ADRA1B: variants seen among roughly 807,000 people sequenced by gnomAD.
The protein encoded by ADRA1B is adrenoceptor alpha 1B.
A neutral mutation model predicts 17.9 loss-of-function variants in ADRA1B; 17 were observed. That is an observed-to-expected ratio of 0.95 (90% CI 0.65 to 1.42). The LOEUF is 1.42. ADRA1B is among the 40% of genes most tolerant of loss of function. The pLI, the probability that ADRA1B is intolerant of heterozygous loss-of-function variation, is 0.00. For missense variants in ADRA1B, 681 were observed against 722.1 expected (o/e 0.94, Z 0.65); for synonymous variants, 366 against 327.6 (o/e 1.12, Z -1.27).
At chr5:159,898,540 A>C (rs1754061635) in intron 1 of ADRA1B, among the ~76,000 whole-genome samples, 1 of 152,266 alleles carries the variant, frequency 6.6e-6, no homozygotes, top group Non-Finnish European at 1.5e-5. Flanking sequence ...TAGCAAAACA[A>C]ACACATGTTT....
intron 1 of ADRA1B, among the ~76,000 whole-genome samples, chr5:159,886,373 G>A (rs1203327393): frequency 6.6e-6 from 1 of 152,114 alleles, no homozygotes; most frequent in Non-Finnish European, 1.5e-5. Context: ...TGAATCTCCT[G>A]GAAAATCCCC....
At chr5:159,880,601 C>G (rs551599506) in intron 1 of ADRA1B, among the ~76,000 whole-genome samples, 1 of 152,310 alleles carries the variant, frequency 6.6e-6, no homozygotes, top group Admixed American at 6.5e-5. Context: ...GTAGGAGAAA[C>G]TCAACTCTCA....
At chr5:159,952,571 T>C (rs1374231316) in intron 1 of ADRA1B, among the ~76,000 whole-genome samples, 1 of 152,118 alleles carries the variant, frequency 6.6e-6, no homozygotes, top group South Asian at 2.1e-4. Flanking sequence ...CTGAGATAGC[T>C]CCATGACTGA....
At chr5:159,918,106 G>A (rs1754381251) in intron 1 of ADRA1B, among the ~76,000 whole-genome samples, 1 of 152,184 alleles carries the variant, frequency 6.6e-6, no homozygotes, top group Non-Finnish European at 1.5e-5. Flanking sequence ...TCTGGTATGA[G>A]GAATGACTCA....
At chr5:159,900,133 A>C (rs960926800) in intron 1 of ADRA1B, among the ~76,000 whole-genome samples, 1 of 152,218 alleles carries the variant, frequency 6.6e-6, no homozygotes, top group South Asian at 2.1e-4. Flanking sequence ...TTTCAACTAC[A>C]GTTACATTAT....
chr5:159,899,893 C>T (rs2113118198), intron 1 of ADRA1B, among the ~76,000 whole-genome samples: 1 of 152,320 alleles, frequency 6.6e-6, no homozygotes, highest in Middle Eastern at 3.4e-3. Context: ...ACAAGATTCC[C>T]AGAATCTCTG....
Position 159,972,000 on chromosome 5 carries a change from C to T in ADRA1B, c.1071C>T (p.Arg357=), listed in dbSNP as rs781479331. Residue 357 remains arginine, a synonymous_variant, in exon 2 of 2, where the codon CGC becomes CGT. Coordinates refer to ENST00000306675, the MANE Select transcript of ADRA1B (RefSeq NM_000679.4). ...CATGCTCCAGCAAGGAGTTCAAGCG[C>T]GCTTTCGTGCGCATCCTCGGGTGCC... ...IYPCSSKEFK[R]AFVRILGCQC... 12 of 1,472,148 alleles carry T rather than the reference C, an allele frequency of 8.2e-6. No homozygotes were observed. Among genetic ancestry groups the T allele is most frequent in the Non-Finnish European group, 1.1e-5 (12 of 1,104,622 alleles). 91.2% of individuals were successfully genotyped at this position (1,472,148 alleles called of 1,614,324 possible).
At chr5:159,926,298 C>A (rs1754646583) in intron 1 of ADRA1B, among the ~76,000 whole-genome samples, 1 of 152,110 alleles carries the variant, frequency 6.6e-6, no homozygotes, top group South Asian at 2.1e-4. Context: ...TGGATCCCAC[C>A]CTTTTCCCCA....
chr5:159,950,348 C>G, intron 1 of ADRA1B: 2 of 565,654 alleles, frequency 3.5e-6, no homozygotes, highest in East Asian at 5.8e-5. Flanking sequence ...TCCCTAGGCC[C>G]CTCCCTCTTC....
At chr5:159,877,495 T>C (rs34507337) in intron 1 of ADRA1B, among the ~76,000 whole-genome samples, 6,058 of 152,282 alleles carry the variant, frequency 0.04, 140 homozygotes, top group Middle Eastern at 0.075. Context: ...CATGTTGGCG[T>C]CATGCTCTCC....
Position 159,972,072 on chromosome 5 carries a change from G to C in ADRA1B, c.1143G>C (p.Leu381=). The C allele has an allele frequency of 1.5e-6, 2 of 1,298,010 alleles. No individual in the cohort carries two copies. Among genetic ancestry groups the C allele is most frequent in the East Asian group, 6.5e-5 (2 of 30,574 alleles). The allele number at this position is 1,298,010 out of a possible 1,614,324, so 80.4% of individuals were successfully genotyped here. ...GCCGACGCCGCCGCCGCCGTCGCCT[G>C]GGCGGCTGCGCCTACACCTACCGGC... The part of the protein sequence containing the change: ...GRRRRRRRRR[L]GGCAYTYRPW... The change falls in exon 2 of 2, where the codon CTG becomes CTC. Residue 381 remains leucine (L), a synonymous_variant. Transcript: ENST00000306675.
In ADRA1B at chr5:159,972,513, T is replaced by C. The variant is rs1166969574; in HGVS notation, c.*21T>C. On this transcript the variant is annotated 3_prime_UTR_variant, in exon 2 of 2. Transcript: ENST00000306675. ...TTTAGGGCCCCCGTGCGCAGCTTTC[T>C]TTCCCTGGGGAGGAAAACATCGTGG... 2 of 1,078,410 alleles carry C rather than the reference T, an allele frequency of 1.9e-6. No homozygotes were observed. Among genetic ancestry groups the C allele is most frequent in the Non-Finnish European group, 2.3e-6 (2 of 878,678 alleles). 66.8% of individuals were successfully genotyped at this position (1,078,410 alleles called of 1,614,324 possible). A position where few individuals can be genotyped will look rare whatever the true frequency, so the allele number is the denominator to read the frequency against.
At chr5:159,880,541 G>T (rs891615748) in intron 1 of ADRA1B, among the ~76,000 whole-genome samples, 1 of 152,212 alleles carries the variant, frequency 6.6e-6, no homozygotes. Flanking sequence ...TTCATCTAAT[G>T]CTTGCATCTA....
At chr5:159,927,994 C>A (rs1466999855) in intron 1 of ADRA1B, among the ~76,000 whole-genome samples, 1 of 152,120 alleles carries the variant, frequency 6.6e-6, no homozygotes, top group Non-Finnish European at 1.5e-5. Context: ...ATTTTACTTG[C>A]CGCGATGACA....
At position 159,951,202 on chromosome 5, in the gene ADRA1B, T is replaced by C. The variant is rs980764430; in HGVS notation, c.950-20677T>C. On this transcript the variant is annotated intron_variant, in intron 1 of 1. Coordinates refer to ENST00000306675, the MANE Select transcript of ADRA1B (RefSeq NM_000679.4). Reference sequence around the variant, plus strand: ...CAGCCTTCTCCATGGTGAAAGACGCTGGTGGACTTCACAACATATTCAGCG... The same window carrying C: ...CAGCCTTCTCCATGGTGAAAGACGCCGGTGGACTTCACAACATATTCAGCG... 32 of 784,330 alleles carry C rather than the reference T, an allele frequency of 4.1e-5. No individual in the cohort carries two copies. The Admixed American group carries it at 4.4e-4, about 11-fold the overall frequency. The allele number at this position is 784,330 out of a possible 1,614,324, so 48.6% of individuals were successfully genotyped here. A position where few individuals can be genotyped will look rare whatever the true frequency, so the allele number is the denominator to read the frequency against.
At chr5:159,919,246 T>A (rs1254266476) in intron 1 of ADRA1B, among the ~76,000 whole-genome samples, 2 of 152,240 alleles carry the variant, frequency 1.3e-5, no homozygotes, top group Non-Finnish European at 2.9e-5. Context: ...AAAGTTCTAC[T>A]CCCCAGGCGT....
intron 1 of ADRA1B, among the ~76,000 whole-genome samples, chr5:159,878,636 G>A (rs1035990912): frequency 6.6e-6 from 1 of 152,168 alleles, no homozygotes; most frequent in Non-Finnish European, 1.5e-5. Flanking sequence ...GTGTTAGGGA[G>A]TCTCCATTTT....
intron 1 of ADRA1B, among the ~76,000 whole-genome samples, chr5:159,924,543 G>A (rs746536233): frequency 1.3e-5 from 2 of 152,180 alleles, no homozygotes; most frequent in Non-Finnish European, 2.9e-5. Context: ...GAGATTCGGA[G>A]ATCTGGGGCA....
chr5:159,962,636 A>AATACGC (rs1168896531), intron 1 of ADRA1B, among the ~76,000 whole-genome samples: 2 of 151,296 alleles, frequency 1.3e-5, no homozygotes, highest in African/African-American at 4.9e-5. Flanking sequence ...ACAAGGACCC[A>AATACGC]ATACGCACAG....
Sources: gnomAD v4.1 joint callset for allele counts (sites outside exome capture counted in the v4.1 genomes callset) on GRCh38, gnomAD v4.1.1 for gene constraint, MANE v1.5 for transcripts, NCBI Gene and HGNC (gene_info 2026-07-23, HGNC 2026-07-21) for gene names.